Variants in PLBD1 observed in about 807,000 individuals in gnomAD.
The protein encoded by PLBD1 is phospholipase B domain containing 1.
A neutral mutation model predicts 63.0 loss-of-function variants in PLBD1; 60 were observed. That is an observed-to-expected ratio of 0.95 (90% CI 0.77 to 1.18). The LOEUF is 1.18. PLBD1 is among the 50% of genes most tolerant of loss of function. The pLI, the probability that PLBD1 is intolerant of heterozygous loss-of-function variation, is 0.00. For synonymous variants in PLBD1, 262 were observed against 248.0 expected, an observed-to-expected ratio of 1.06 and a Z score of -0.53; for missense variants, 598 against 677.9, an observed-to-expected ratio of 0.88 and a Z score of 1.31.
In PLBD1 at chr12:14,542,288, G is replaced by A; in HGVS notation, c.339C>T (p.His113=). The change falls in exon 3 of 11, where the codon CAC becomes CAT. Residue 113 remains histidine (H), a synonymous_variant. Transcript: ENST00000240617. ...AGAGGTTTGTGTAGTGGTCATTCAT[G>A]TGTCTGAAATGATACATGAAAATTA... is the stretch of plus-strand genomic sequence containing the variant. ...GFLEGYLTAP[H]MNDHYTNLYP... 1 of 1,598,834 alleles carries A rather than the reference G, an allele frequency of 6.3e-7. No homozygotes were observed. Among genetic ancestry groups the A allele is most frequent in the Non-Finnish European group, 8.6e-7 (1 of 1,166,306 alleles).
intron 1 of PLBD1, chr12:14,553,714 G>A: frequency 4.5e-6 from 2 of 442,670 alleles, no homozygotes; most frequent in South Asian, 2.3e-5. Context: ...GGCTGGAGCT[G>A]GACCTTACGC....
intron 4 of PLBD1, 70 bp downstream of exon 4, chr12:14,540,694 T>C: frequency 7.2e-7 from 1 of 1,392,920 alleles, no homozygotes; most frequent in Non-Finnish European, 9.5e-7. Flanking sequence ...ATTGGAATGT[T>C]ATTTTAAAGA....
chr12:14,548,462 A>G (rs80193291), intron 2 of PLBD1, among the ~76,000 whole-genome samples: 2 of 136,286 alleles, frequency 1.5e-5, no homozygotes, highest in East Asian at 4.0e-4. Flanking sequence ...ATCTCCAAAA[A>G]AAAAAAAAAA....
chr12:14,542,909 T>C (rs1429726056), intron 2 of PLBD1, among the ~76,000 whole-genome samples: 1 of 151,966 alleles, frequency 6.6e-6, no homozygotes, highest in Non-Finnish European at 1.5e-5. Context: ...TAGCCAGGCG[T>C]GGTGGCGGGC....
At chr12:14,564,775 T>C (rs1338418770) in intron 1 of PLBD1, among the ~76,000 whole-genome samples, 1 of 152,130 alleles carries the variant, frequency 6.6e-6, no homozygotes, top group Non-Finnish European at 1.5e-5. Context: ...GTTTTACCAA[T>C]ATACATACCA....
At chr12:14,559,591 A>T (rs564648372) in intron 1 of PLBD1, among the ~76,000 whole-genome samples, 2 of 152,324 alleles carry the variant, frequency 1.3e-5, no homozygotes, top group East Asian at 3.9e-4. Flanking sequence ...CCCAAGAGCA[A>T]GAGCTATTTG....
intron 2 of PLBD1, 23 bp downstream of exon 2, chr12:14,553,170 T>C: frequency 6.3e-7 from 1 of 1,587,062 alleles, no homozygotes; most frequent in African/African-American, 1.3e-5. Flanking sequence ...TGGCAGTGGC[T>C]CTACCATGAC....
intron 6 of PLBD1, chr12:14,531,337 T>C (rs1246249457): frequency 6.6e-6 from 1 of 152,194 alleles, no homozygotes; most frequent in African/African-American, 2.4e-5. Flanking sequence ...CTGTTTGTTT[T>C]GAAACAACAC....
At position 14,536,679 on chromosome 12, in the gene PLBD1, T is replaced by A; in HGVS notation, c.590A>T (p.Asn197Ile). The A allele has an allele frequency of 6.2e-7, 1 of 1,614,144 alleles. No individual in the cohort carries two copies. Among genetic ancestry groups the A allele is most frequent in the South Asian group, 1.1e-5 (1 of 91,076 alleles). ...PMTLFQIQFLNSVGDLLDLIP... is the reference protein window; with the variant it reads ...PMTLFQIQFLISVGDLLDLIP... ...CAGATCCAATAGATCTCCAACACTA[T>A]TCAGGAACTGAATCTGGAACAGGGT... Residue 197 changes from asparagine (N) to isoleucine (I), a missense_variant, in exon 5 of 11, where the codon AAT becomes ATT. Asn to Ile is a moderately radical substitution (Grantham distance 149). Transcript: ENST00000240617.
At chr12:14,513,783 T>G (rs1369588308) in intron 6 of PLBD1, among the ~76,000 whole-genome samples, 1 of 151,298 alleles carries the variant, frequency 6.6e-6, no homozygotes, top group Non-Finnish European at 1.5e-5. Context: ...ACTCTTAGTT[T>G]TTTTTTTTTT....
chr12:14,551,961 TAAG>T (rs1486046383), intron 2 of PLBD1, among the ~76,000 whole-genome samples: 1 of 152,202 alleles, frequency 6.6e-6, no homozygotes, highest in Non-Finnish European at 1.5e-5. Flanking sequence ...AGTACACCGT[TAAG>T]GAGATTTGTA....
intron 1 of PLBD1, among the ~76,000 whole-genome samples, chr12:14,562,805 T>G (rs1000070114): frequency 1.3e-5 from 2 of 152,202 alleles, no homozygotes; most frequent in African/African-American, 4.8e-5. Context: ...AGGGTACCAC[T>G]ACCTCTTTTA....
intron 9 of PLBD1, among the ~76,000 whole-genome samples, 196 bp downstream of exon 9, chr12:14,506,737 A>G (rs1490192785): frequency 6.6e-6 from 1 of 151,906 alleles, no homozygotes; most frequent in Non-Finnish European, 1.5e-5. Context: ...TAAAAAATGT[A>G]TAGACTCTTC....
intron 6 of PLBD1, among the ~76,000 whole-genome samples, chr12:14,533,559 T>C (rs1470313722): frequency 6.6e-6 from 1 of 152,228 alleles, no homozygotes; most frequent in Non-Finnish European, 1.5e-5. Flanking sequence ...TGGAGAGCAT[T>C]GTATTCCACA....
chr12:14,540,785 C>CCT lies in PLBD1; in HGVS notation c.535_536dup (p.Ala180GlyfsTer4). The CCT allele has an allele frequency of 6.2e-7, 1 of 1,602,884 alleles. No homozygotes were observed. Among genetic ancestry groups the CCT allele is most frequent in the Non-Finnish European group, 8.5e-7 (1 of 1,172,406 alleles). ...CTACCTTTGTCCCTTCTAATATAGC[C>CCT]CTCTTCTTTGCTCCTACATAGAGGC... On this transcript the variant is annotated frameshift_variant, in exon 4 of 11. Transcript: ENST00000240617. LOFTEE classifies it high-confidence loss of function.
At chr12:14,553,039 C>T (rs960337775) in intron 2 of PLBD1, among the ~76,000 whole-genome samples, 154 bp downstream of exon 2, 2 of 152,170 alleles carry the variant, frequency 1.3e-5, no homozygotes, top group African/African-American at 4.8e-5. Flanking sequence ...CTCACCCCCG[C>T]AAAAATGCAA....
At chr12:14,540,203 GC>G (rs1178156458) in intron 4 of PLBD1, among the ~76,000 whole-genome samples, 1 of 138,580 alleles carries the variant, frequency 7.2e-6, no homozygotes, top group Non-Finnish European at 1.5e-5. Context: ...ATATATACTG[GC>G]AAAATAGACC....
chr12:14,561,731 T>A (rs145300763), intron 1 of PLBD1, among the ~76,000 whole-genome samples: 40 of 152,288 alleles, frequency 2.6e-4, no homozygotes, highest in African/African-American at 9.6e-4. Context: ...TAATTTTGTA[T>A]TTTTAGCAGA....
chr12:14,563,494 G>A (rs1321779417), intron 1 of PLBD1, among the ~76,000 whole-genome samples: 2 of 150,164 alleles, frequency 1.3e-5, no homozygotes, highest in Non-Finnish European at 3.0e-5. Flanking sequence ...CTCCAGCTTG[G>A]GCAACAGAGC....
Sources: gnomAD v4.1 joint callset for allele counts (sites outside exome capture counted in the v4.1 genomes callset) on GRCh38, gnomAD v4.1.1 for gene constraint, MANE v1.5 for transcripts, NCBI Gene and HGNC (gene_info 2026-07-23, HGNC 2026-07-21) for gene names.